SRGAP2B: variants seen among roughly 807,000 people sequenced by gnomAD.
SRGAP2B encodes the protein SLIT-ROBO Rho GTPase activating protein 2B.
SRGAP2B carries 9 observed loss-of-function variants against 22.2 expected under a neutral mutation model. That is an observed-to-expected ratio of 0.41 (90% CI 0.24 to 0.71). The LOEUF (loss-of-function observed/expected upper bound fraction) is 0.71. Ranked by LOEUF, SRGAP2B falls within the 30% of genes least tolerant of loss-of-function variation. The probability of loss-of-function intolerance (pLI) is 0.35; values close to 1 mark genes in which losing one functional copy is unlikely to be tolerated. For missense variants in SRGAP2B, 114 were observed against 235.8 expected (o/e 0.48, Z 3.38); for synonymous variants, 36 against 87.4 (o/e 0.41, Z 3.28).
chr1:144,991,339 C>A (rs1200973346), intron 3 of SRGAP2B, among the ~76,000 whole-genome samples: 1 of 150,352 alleles, frequency 6.7e-6, no homozygotes, highest in South Asian at 2.1e-4. Flanking sequence ...CCAATCAGCA[C>A]CCTGTGTTTA....
exon 10 of SRGAP2B, chr1:144,888,731 C>T (rs1470738882): frequency 1.9e-5 from 1 of 53,232 alleles, no homozygotes; most frequent in Non-Finnish European, 3.3e-5. Context: ...TGTGGCTTAA[C>T]CTATGAATAC....
At chr1:144,906,815 AAG>A (rs1663019929) in intron 5 of SRGAP2B, among the ~76,000 whole-genome samples, 1 of 114,128 alleles carries the variant, frequency 8.8e-6, no homozygotes, top group Non-Finnish European at 1.7e-5. Flanking sequence ...CAATTCAGGT[AAG>A]AGTCTGGGAA....
chr1:145,063,074 A>T (rs1651092909), intron 2 of SRGAP2B, among the ~76,000 whole-genome samples: 1 of 148,814 alleles, frequency 6.7e-6, no homozygotes, highest in Admixed American at 6.7e-5. Context: ...ACAGAATGGT[A>T]CCCAAATGTG....
intron 2 of SRGAP2B, among the ~76,000 whole-genome samples, chr1:145,019,363 G>GA (rs1672633717): frequency 1.0e-5 from 1 of 96,516 alleles, no homozygotes; most frequent in Admixed American, 1.1e-4. Context: ...AGAAAAAAAA[G>GA]AAAAAAGTGT....
At chr1:144,988,999 C>CTT (rs3062880) in intron 3 of SRGAP2B, among the ~76,000 whole-genome samples, 11 of 55,104 alleles carry the variant, frequency 2.0e-4, no homozygotes, top group Non-Finnish European at 2.4e-4. Context: ...ACTCCCCCCA[C>CTT]TTTTTTTTTT....
intron 2 of SRGAP2B, among the ~76,000 whole-genome samples, chr1:145,030,849 T>C (rs1648246046): frequency 5.4e-5 from 1 of 18,552 alleles, no homozygotes; most frequent in Non-Finnish European, 8.5e-5. Context: ...TTTTAAAGGA[T>C]ATTTTCACAC....
intron 3 of SRGAP2B, among the ~76,000 whole-genome samples, chr1:144,976,017 G>A (rs1553614124): frequency 6.7e-6 from 1 of 149,426 alleles, no homozygotes; most frequent in Admixed American, 6.7e-5. Flanking sequence ...GGGACCACAG[G>A]CGCCTGCCAC....
At position 145,030,430 on chromosome 1, in the gene SRGAP2B, C is replaced by T. The variant is rs9439332; in HGVS notation, c.68-35230G>A. 1.3e-4 allele frequency among the ~76,000 whole-genome samples: 19 copies of T among 141,794 alleles called. No homozygotes were observed. The East Asian group carries it at 3.4e-3, about 25-fold the overall frequency. The allele number at this position is 141,794 out of a possible 152,430, so 93.0% of individuals were successfully genotyped here. A position where few individuals can be genotyped will look rare whatever the true frequency, so the allele number is the denominator to read the frequency against. ...TAGGGACATGGATGAAACCATCATT[C>T]TGAGCAAACTATCGCAAGGAAAAAA... On this transcript the variant is annotated intron_variant, in intron 2 of 9. Coordinates refer to ENST00000612199, the Ensembl canonical transcript of SRGAP2B.
In SRGAP2B at chr1:144,925,327, G is replaced by A. The variant is rs9439283; in HGVS notation, c.424-10573C>T. 4.1e-3 allele frequency among the ~76,000 whole-genome samples: 599 copies of A among 145,294 alleles called. 32 individuals are homozygous for A. Among genetic ancestry groups the A allele is most frequent in the African/African-American group, 0.016 (580 of 36,408 alleles). On this transcript the variant is annotated intron_variant, in intron 4 of 9. Transcript: ENST00000612199. ...GCCTGGAAATGTCTCTCTTTATAAC[G>A]AAAAATACTTTTTGCATTGAAATCT...
intron 3 of SRGAP2B, among the ~76,000 whole-genome samples, chr1:144,991,646 A>T (rs200838842): frequency 1.3e-5 from 2 of 150,194 alleles, no homozygotes; most frequent in East Asian, 3.9e-4. Flanking sequence ...GTTTGTAAAC[A>T]CACCAATCAG....
intron 2 of SRGAP2B, among the ~76,000 whole-genome samples, chr1:145,058,412 AT>A: frequency 7.2e-6 from 1 of 139,512 alleles, no homozygotes; most frequent in East Asian, 2.2e-4. Context: ...GCATGCGTGC[AT>A]GGCTAGGACG....
chr1:144,920,392 CT>C (rs1262571997), intron 4 of SRGAP2B, among the ~76,000 whole-genome samples: 3 of 150,528 alleles, frequency 2.0e-5, no homozygotes, highest in Non-Finnish European at 2.9e-5. Context: ...CCTCCCTCAG[CT>C]TCCCATGTAG....
At chr1:145,089,331 A>G (rs1293888808) in intron 2 of SRGAP2B, among the ~76,000 whole-genome samples, 1 of 149,936 alleles carries the variant, frequency 6.7e-6, no homozygotes, top group Non-Finnish European at 1.5e-5. Flanking sequence ...ATGGTTTTTA[A>G]GAAGACACTA....
Position 144,997,110 on chromosome 1 carries a change from A to T in SRGAP2B, c.68-1910T>A, listed in dbSNP as rs1191708107. Among the ~76,000 whole-genome samples the T allele has an allele frequency of 1.5e-4, 23 of 150,394 alleles. 1 individual carries two copies. The highest frequency in any genetic ancestry group is 4.4e-5 in the Non-Finnish European group (3 of 67,940). On this transcript the variant is annotated intron_variant, in intron 2 of 9. Transcript: ENST00000612199. ...GAGAGGGCATTCAGAATGCTTACTA[A>T]TATTACTTAAATTCCATCCGTTCAG...
intron 2 of SRGAP2B, among the ~76,000 whole-genome samples, chr1:145,089,149 G>A (rs1653734134): frequency 6.6e-6 from 1 of 150,904 alleles, no homozygotes; most frequent in South Asian, 2.1e-4. Context: ...GGGAAGTGGG[G>A]GTAGTCCTTG....
At chr1:145,061,627 G>A (rs1485658912) in intron 2 of SRGAP2B, among the ~76,000 whole-genome samples, 1 of 149,924 alleles carries the variant, frequency 6.7e-6, no homozygotes, top group Non-Finnish European at 1.5e-5. Flanking sequence ...TCACTCTGTC[G>A]CCCAGACTGG....
rs12029152 is a variant in SRGAP2B, at chr1:144,992,247, C to A, written c.260+2761G>T. The stretch of plus-strand genomic sequence containing the variant: ...TCAGAAGGGACAGACTCCAGACACA[C>A]CACCTTAAGAGCTGTAACACTCACC... On this transcript the variant is annotated intron_variant, in intron 3 of 9. Coordinates refer to ENST00000612199, the Ensembl canonical transcript of SRGAP2B. 3.3e-5 allele frequency among the ~76,000 whole-genome samples: 5 copies of A among 150,784 alleles called. 1 individual carries two copies. The highest frequency in any genetic ancestry group is 9.9e-5 in the African/African-American group (4 of 40,222).
At chr1:145,040,727 C>CA (rs1553627320) in intron 2 of SRGAP2B, among the ~76,000 whole-genome samples, 1 of 147,886 alleles carries the variant, frequency 6.8e-6, no homozygotes, top group Non-Finnish European at 1.5e-5. Context: ...GATTCCTTCC[C>CA]ATGGCTTAGA....
intron 7 of SRGAP2B, among the ~76,000 whole-genome samples, chr1:144,899,339 T>TA (rs2101675794): frequency 1.5e-5 from 1 of 67,408 alleles, no homozygotes; most frequent in Admixed American, 2.0e-4. Flanking sequence ...TTTTGAAATT[T>TA]AAAAAATGCT....
Sources: gnomAD v4.1 joint callset for allele counts (sites outside exome capture counted in the v4.1 genomes callset) on GRCh38, gnomAD v4.1.1 for gene constraint, MANE v1.5 for transcripts, NCBI Gene and HGNC (gene_info 2026-07-23, HGNC 2026-07-21) for gene names.